PARD3B: variants seen among roughly 807,000 people sequenced by gnomAD.
The protein encoded by PARD3B is partitioning defective 3 homolog B.
A neutral mutation model predicts 130.2 loss-of-function variants in PARD3B; 103 were observed. The ratio of observed to expected loss-of-function variants is 0.79; its 90% CI spans 0.67 to 0.93. PARD3B has a LOEUF of 0.93. PARD3B is among the 40% of genes least tolerant of loss of function. The probability of loss-of-function intolerance (pLI) is 0.00; values close to 1 mark genes in which losing one functional copy is unlikely to be tolerated. For missense variants in PARD3B, 1,609 were observed against 1,499.2 expected, an observed-to-expected ratio of 1.07 and a Z score of -1.21; for synonymous variants, 583 against 553.2, an observed-to-expected ratio of 1.05 and a Z score of -0.76.
intron 4 of PARD3B, among the ~76,000 whole-genome samples, chr2:205,067,095 C>CTTTTTTTTTTTTTTTTTTTTTTTTTTTTT (rs10672449): frequency 1.7e-5 from 1 of 59,712 alleles, no homozygotes. Flanking sequence ...TTTTACTAGG[C>CTTTTTTTTTTTTTTTTTTTTTTTTTTTTT]TTTTTTTTTT....
At chr2:205,479,416 C>A (rs1246595332) in intron 20 of PARD3B, among the ~76,000 whole-genome samples, 1 of 152,156 alleles carries the variant, frequency 6.6e-6, no homozygotes, top group African/African-American at 2.4e-5. Context: ...TATTGGGGGA[C>A]TAGACAAAGA....
intron 1 of PARD3B, among the ~76,000 whole-genome samples, chr2:204,568,738 TG>T (rs1405624997): frequency 1.3e-5 from 2 of 152,158 alleles, no homozygotes; most frequent in Non-Finnish European, 2.9e-5. Flanking sequence ...ATGGATCACT[TG>T]GGGTCAGGAG....
chr2:205,104,355 T>G, intron 4 of PARD3B, 71 bp from the exon 5 acceptor site: 1 of 1,128,818 alleles, frequency 8.9e-7, no homozygotes, highest in Non-Finnish European at 1.3e-6. Context: ...TCTCCCATAT[T>G]GGGATATTTT....
At chr2:205,547,291 C>A (rs1207171265) in intron 21 of PARD3B, among the ~76,000 whole-genome samples, 1 of 152,266 alleles carries the variant, frequency 6.6e-6, no homozygotes, top group South Asian at 2.1e-4. Context: ...CTGGCTTTCT[C>A]TCCCCATCAA....
intron 2 of PARD3B, among the ~76,000 whole-genome samples, chr2:204,722,699 G>A (rs16836537): frequency 0.17 from 26,074 of 152,146 alleles, 2,404 homozygotes; most frequent in African/African-American, 0.23. Flanking sequence ...TAAGGAAGGA[G>A]AAATACCAAG....
At chr2:205,050,031 A>G (rs563143138) in intron 4 of PARD3B, among the ~76,000 whole-genome samples, 1 of 152,046 alleles carries the variant, frequency 6.6e-6, no homozygotes, top group African/African-American at 2.4e-5. Flanking sequence ...AGGTACAGAC[A>G]TTGTGCCTTA....
chr2:205,047,768 T>A, intron 4 of PARD3B, 78 bp downstream of exon 4: 1 of 973,860 alleles, frequency 1.0e-6, no homozygotes, highest in Non-Finnish European at 1.6e-6. Flanking sequence ...TTTGCAGTTT[T>A]AAACACATTG....
chr2:204,818,570 CA>C, intron 2 of PARD3B, among the ~76,000 whole-genome samples: 1 of 152,012 alleles, frequency 6.6e-6, no homozygotes, highest in East Asian at 1.9e-4. Flanking sequence ...AAAATGTTAT[CA>C]TTGCATATAT....
At chr2:204,965,725 C>A (rs1691181811) in intron 3 of PARD3B, among the ~76,000 whole-genome samples, 1 of 152,184 alleles carries the variant, frequency 6.6e-6, no homozygotes, top group Admixed American at 6.5e-5. Context: ...TCTGCCCAAA[C>A]TATAATCTCA....
chr2:205,314,442 C>T (rs1162138562), intron 18 of PARD3B, among the ~76,000 whole-genome samples: 1 of 152,172 alleles, frequency 6.6e-6, no homozygotes, highest in Non-Finnish European at 1.5e-5. Flanking sequence ...AGCACCCATA[C>T]TTATTTTTGC....
intron 2 of PARD3B, among the ~76,000 whole-genome samples, chr2:204,863,168 C>T (rs2045278971): frequency 6.6e-6 from 1 of 152,182 alleles, no homozygotes; most frequent in South Asian, 2.1e-4. Context: ...CCTCTTGCCT[C>T]CTCTCCCACT....
intron 2 of PARD3B, among the ~76,000 whole-genome samples, chr2:204,741,350 G>GTTTGTTTTT (rs2040001427): frequency 1.3e-5 from 2 of 152,092 alleles, no homozygotes; most frequent in Non-Finnish European, 2.9e-5. Context: ...ATGCTGCTGA[G>GTTTGTTTTT]TTCTTTGTTT....
chr2:204,699,188 G>A (rs954604567), intron 2 of PARD3B, among the ~76,000 whole-genome samples: 7 of 152,054 alleles, frequency 4.6e-5, no homozygotes, highest in African/African-American at 1.7e-4. Flanking sequence ...AGGTGCCCCT[G>A]GTGTAGCAAG....
chr2:205,474,113 G>T (rs2048943748), intron 20 of PARD3B, among the ~76,000 whole-genome samples: 2 of 151,908 alleles, frequency 1.3e-5, no homozygotes, highest in Admixed American at 6.6e-5. Context: ...CAGGCACCAA[G>T]TTTCTGTCCC....
chr2:204,624,756 G>A (rs1318595674), intron 1 of PARD3B, among the ~76,000 whole-genome samples: 1 of 152,132 alleles, frequency 6.6e-6, no homozygotes, highest in South Asian at 2.1e-4. Context: ...GCCCAGGGAT[G>A]TGATCTCTGG....
At chr2:205,246,379 A>G (rs541007966) in intron 16 of PARD3B, among the ~76,000 whole-genome samples, 29 of 152,218 alleles carry the variant, frequency 1.9e-4, no homozygotes, top group Non-Finnish European at 3.8e-4. Context: ...GGTCTTTATC[A>G]TGTGTGAGTT....
Position 205,021,594 on chromosome 2 carries a change from TTCTCTCTCTCTC to T in PARD3B, c.395-25972_395-25961del, listed in dbSNP as rs372636581. 4.8e-5 allele frequency among the ~76,000 whole-genome samples: 7 copies of T among 144,866 alleles called. No individual in the cohort carries two copies. The highest frequency in any genetic ancestry group is 1.5e-4 in the African/African-American group (6 of 39,168). On this transcript the variant is annotated intron_variant, in intron 3 of 22. Transcript: ENST00000406610. This position sits in a 1 kb window ranked among gnomAD's most constrained non-coding sequence, Gnocchi z 4.5. ...TATGCTCTCTTCTCTCTCTCTTCTC[TTCTCTCTCTCTC>T]TCTCTCTCTCTCTCCCTCTCTCTTT...
chr2:204,562,295 T>C (rs533417794), intron 1 of PARD3B, among the ~76,000 whole-genome samples: 51 of 152,298 alleles, frequency 3.3e-4, no homozygotes, highest in South Asian at 2.7e-3. Context: ...ATCAAGTGAC[T>C]CAGAAATCCT....
At chr2:204,929,279 A>G (rs1238543932) in intron 2 of PARD3B, among the ~76,000 whole-genome samples, 1 of 152,180 alleles carries the variant, frequency 6.6e-6, no homozygotes, top group Non-Finnish European at 1.5e-5. Flanking sequence ...TGCTAGTTGA[A>G]TAATCTGCCA....
Sources: allele counts gnomAD v4.1 joint callset (sites outside exome capture counted in the v4.1 genomes callset), GRCh38; gene constraint gnomAD v4.1.1; non-coding constraint Gnocchi (gnomAD v3.1); transcripts MANE v1.5; gene names NCBI Gene and HGNC (gene_info 2026-07-23, HGNC 2026-07-21).